CNTN4: variants seen among roughly 807,000 people sequenced by gnomAD.
The protein encoded by CNTN4 is contactin-4.
In CNTN4, 77 loss-of-function variants were observed where a neutral mutation model predicts 122.5. That is an observed-to-expected ratio of 0.63 (90% confidence interval 0.52 to 0.76). CNTN4 has a LOEUF of 0.76. Among genes scored for constraint, CNTN4 ranks in the 30% least tolerant of loss-of-function variants. CNTN4 has a pLI of 0.00. For missense variants in CNTN4, 1,256 were observed against 1,259.1 expected, an observed-to-expected ratio of 1.00 and a Z score of 0.04; for synonymous variants, 512 against 447.0, an observed-to-expected ratio of 1.15 and a Z score of -1.83.
chr3:2,142,478 C>G (rs1372503412), intron 2 of CNTN4, among the ~76,000 whole-genome samples: 1 of 152,046 alleles, frequency 6.6e-6, no homozygotes, highest in African/African-American at 2.4e-5. Flanking sequence ...ATTCTCCTGC[C>G]TCAGCCTCCC....
chr3:2,605,122 T>G (rs2081203912), intron 4 of CNTN4, among the ~76,000 whole-genome samples: 1 of 152,180 alleles, frequency 6.6e-6, no homozygotes, highest in South Asian at 2.1e-4. Flanking sequence ...TCCTTCCACC[T>G]CAGCTCCCAA....
chr3:2,730,038 T>C (rs942855613), intron 4 of CNTN4, among the ~76,000 whole-genome samples: 4 of 152,346 alleles, frequency 2.6e-5, no homozygotes, highest in Admixed American at 2.6e-4. Flanking sequence ...ATCTACCTGT[T>C]AACAAGCACT....
At chr3:2,804,736 A>AATTTTTTTTTTTTTTTTT in intron 6 of CNTN4, among the ~76,000 whole-genome samples, 2 of 112,756 alleles carry the variant, frequency 1.8e-5, no homozygotes, top group South Asian at 3.1e-4. Context: ...TATTTTGAGC[A>AATTTTTTTTTTTTTTTTT]CTTTTTTTTT....
intron 6 of CNTN4, among the ~76,000 whole-genome samples, chr3:2,765,686 G>A (rs1208914175): frequency 2.0e-5 from 3 of 151,986 alleles, no homozygotes; most frequent in Non-Finnish European, 2.9e-5. Context: ...TTCCTCTGTC[G>A]TCTTTGTTTC....
chr3:2,621,685 G>C (rs979093140), intron 4 of CNTN4, among the ~76,000 whole-genome samples: 10 of 152,052 alleles, frequency 6.6e-5, no homozygotes, highest in African/African-American at 2.4e-4. Flanking sequence ...ATTAAGTGGG[G>C]AGTGACTTAA....
intron 10 of CNTN4, among the ~76,000 whole-genome samples, chr3:2,899,305 G>A (rs538476174): frequency 7.4e-4 from 112 of 152,302 alleles, no homozygotes; most frequent in Middle Eastern, 3.4e-3. Flanking sequence ...TTGAAACATT[G>A]TTGAGTGAAG....
At chr3:2,509,719 G>A (rs906256581) in intron 3 of CNTN4, among the ~76,000 whole-genome samples, 3 of 152,126 alleles carry the variant, frequency 2.0e-5, no homozygotes, top group African/African-American at 4.8e-5. Context: ...CAATCAAAAC[G>A]CTAACACAGT....
At chr3:2,526,448 A>T (rs1406327227) in intron 3 of CNTN4, among the ~76,000 whole-genome samples, 1 of 152,146 alleles carries the variant, frequency 6.6e-6, no homozygotes, top group Non-Finnish European at 1.5e-5. Context: ...AATTGCTAAA[A>T]ATCAAAGTTG....
intron 3 of CNTN4, among the ~76,000 whole-genome samples, chr3:2,545,404 T>C (rs2078202789): frequency 6.6e-6 from 1 of 152,088 alleles, no homozygotes; most frequent in Non-Finnish European, 1.5e-5. Context: ...GATCAGGTCC[T>C]GAATATTTTT....
intron 2 of CNTN4, among the ~76,000 whole-genome samples, chr3:2,103,908 C>CA (rs1236927643): frequency 6.6e-6 from 1 of 152,086 alleles, no homozygotes; most frequent in Admixed American, 6.6e-5. Context: ...TTTTGGTTCC[C>CA]AGTGGCTGCA....
chr3:2,662,657 C>T (rs754477388), intron 4 of CNTN4, among the ~76,000 whole-genome samples: 6 of 152,138 alleles, frequency 3.9e-5, no homozygotes, highest in Non-Finnish European at 7.3e-5. Flanking sequence ...GCAATATGAA[C>T]TTAGGCAACA....
At chr3:2,869,262 T>G (rs569809295) in intron 8 of CNTN4, among the ~76,000 whole-genome samples, 2 of 151,786 alleles carry the variant, frequency 1.3e-5, no homozygotes, top group Non-Finnish European at 2.9e-5. Context: ...AAAACAATAG[T>G]GAAAACTGGA....
At chr3:2,780,363 G>A (rs1173810236) in intron 6 of CNTN4, among the ~76,000 whole-genome samples, 1 of 152,070 alleles carries the variant, frequency 6.6e-6, no homozygotes, top group African/African-American at 2.4e-5. Context: ...TGCCCTCTCA[G>A]CCCTGTTCCC....
Position 3,011,816 on chromosome 3 carries a change from G to A in CNTN4, c.1487-14286G>A, listed in dbSNP as rs1337661735. On this transcript the variant is annotated intron_variant, in intron 14 of 24. Transcript: ENST00000418658. ...CCCCGCCCCAGTCTCTGCATGTTTG[G>A]AGAAGTTATCTTCCTCTGAAGCTTC... 2.6e-5 allele frequency among the ~76,000 whole-genome samples: 4 copies of A among 152,006 alleles called. No homozygotes were observed. The East Asian group carries it at 7.7e-4, about 29-fold the overall frequency.
chr3:2,997,298 G>T lies in CNTN4; in HGVS notation c.1486+8826G>T, dbSNP rs143763454. Among the ~76,000 whole-genome samples, 24 of 152,338 alleles carry T rather than the reference G, an allele frequency of 1.6e-4. No individual in the cohort carries two copies. In the East Asian group the frequency reaches 4.6e-3, roughly 29 times the overall value. ...TTTATGTGCACATGATCTCTCAGAA[G>T]AAGACGAGTTTGTGGTATGTCTATG... On this transcript the variant is annotated intron_variant, in intron 14 of 24. Transcript: ENST00000418658.
intron 7 of CNTN4, among the ~76,000 whole-genome samples, chr3:2,862,802 G>C (rs2093684378): frequency 6.6e-6 from 1 of 152,104 alleles, no homozygotes; most frequent in Non-Finnish European, 1.5e-5. Context: ...TGTTGATAGT[G>C]CTTCATGTAA....
chr3:3,054,863 TA>T (rs1321551574), intron 24 of CNTN4, among the ~76,000 whole-genome samples: 5 of 151,980 alleles, frequency 3.3e-5, no homozygotes, highest in Admixed American at 6.6e-5. Context: ...TTTACAGCAA[TA>T]AAAAAAAGAC....
intron 4 of CNTN4, among the ~76,000 whole-genome samples, chr3:2,700,124 T>C (rs990291004): frequency 6.6e-6 from 1 of 152,160 alleles, no homozygotes; most frequent in East Asian, 1.9e-4. Flanking sequence ...ACATGGTGCC[T>C]GAAGGCAATG....
chr3:2,450,614 G>C (rs2048794346), intron 3 of CNTN4, among the ~76,000 whole-genome samples: 1 of 151,858 alleles, frequency 6.6e-6, no homozygotes, highest in South Asian at 2.1e-4. Context: ...TCCTGTCCAG[G>C]TTTTTACCGG....
Sources: allele counts gnomAD v4.1 joint callset (sites outside exome capture counted in the v4.1 genomes callset), GRCh38; gene constraint gnomAD v4.1.1; transcripts MANE v1.5; gene names NCBI Gene and HGNC (gene_info 2026-07-23, HGNC 2026-07-21).